FMNL3: variants seen among roughly 807,000 people sequenced by gnomAD.
FMNL3 encodes the protein formin-like protein 3.
Under a neutral mutation model 119.6 loss-of-function variants are expected in FMNL3, and 57 were observed. The ratio of observed to expected loss-of-function variants is 0.48; its 90% confidence interval spans 0.39 to 0.59. The LOEUF (loss-of-function observed/expected upper bound fraction) is 0.59, where lower values mean the gene tolerates loss of function less well. FMNL3 is among the 20% of genes least tolerant of loss of function. The probability of loss-of-function intolerance (pLI) is 0.00; values close to 1 mark genes in which losing one functional copy is unlikely to be tolerated. For missense variants in FMNL3, 1,053 were observed against 1,323.5 expected (o/e 0.80, Z 3.17); for synonymous variants, 491 against 507.3 (o/e 0.97, Z 0.43).
In FMNL3 at chr12:49,641,527, T is replaced by C. The variant is rs187622739; in HGVS notation, c.*4288A>G. The C allele has an allele frequency of 4.3e-6, 1 of 234,320 alleles. No individual in the cohort carries two copies. Among genetic ancestry groups the C allele is most frequent in the East Asian group, 1.0e-4 (1 of 9,870 alleles). The allele number at this position is 234,320 out of a possible 1,614,324, so 14.5% of individuals were successfully genotyped here. ...TGGTACATAGTAAGCACTCAATAAA[T>C]AGACCCAAAGGGTAGGGGCCAGCAA... On this transcript the variant is annotated 3_prime_UTR_variant, in exon 26 of 26. Transcript: ENST00000335154.
Position 49,665,880 on chromosome 12 carries a change from G to C in FMNL3, c.320C>G (p.Thr107Ser), listed in dbSNP as rs753610636. ...GATCTCCAGCTCCCTTAGTACTTTG[G>C]TTGACTCCTGCACCCTCCTCCTGAA... ...KKFRRRVQES[T>S]KVLRELEISL... The change falls in exon 4 of 26, where the codon ACC becomes AGC. Residue 107 changes from threonine (T) to serine (S), a missense_variant. Thr to Ser is a moderately conservative substitution (Grantham distance 58). Coordinates refer to ENST00000335154, the MANE Select transcript of FMNL3 (RefSeq NM_175736.5). 1.2e-6 allele frequency: 2 copies of C among 1,614,192 alleles called. No individual in the cohort carries two copies. The highest frequency in any genetic ancestry group is 8.5e-7 in the Non-Finnish European group (1 of 1,180,040).
chr12:49,637,904 G>A lies in FMNL3; in HGVS notation c.*7911C>T. The A allele has an allele frequency of 1.7e-6, 2 of 1,188,374 alleles. No individual in the cohort carries two copies. Among genetic ancestry groups the A allele is most frequent in the Non-Finnish European group, 2.5e-6 (2 of 808,830 alleles). 73.6% of individuals were successfully genotyped at this position (1,188,374 alleles called of 1,614,324 possible). On this transcript the variant is annotated 3_prime_UTR_variant, in exon 26 of 26. Coordinates refer to ENST00000335154, the MANE Select transcript of FMNL3 (RefSeq NM_175736.5). ...TGCAGAGGACTCCCTGATAAGTCCT[G>A]TTTTGCAGAAGCATTACAGCTTGGT...
At chr12:49,648,093 G>T (rs1943266682) in intron 22 of FMNL3, 100 bp downstream of exon 22, 2 of 1,401,686 alleles carry the variant, frequency 1.4e-6, no homozygotes, top group Non-Finnish European at 1.9e-6. Context: ...TAGCCAGCCA[G>T]CTGCTTGATT....
At chr12:49,668,178 C>A (rs2138863004) in intron 2 of FMNL3, among the ~76,000 whole-genome samples, 2 of 152,282 alleles carry the variant, frequency 1.3e-5, no homozygotes, top group Middle Eastern at 3.4e-3. Context: ...CCGGGCATAG[C>A]CCTGAACCTG....
intron 5 of FMNL3, chr12:49,659,911 A>G: frequency 1.0e-6 from 1 of 985,430 alleles, no homozygotes; most frequent in Non-Finnish European, 1.2e-6. Context: ...CTCCCCCAAG[A>G]AGCATTCTGC....
chr12:49,636,954 G>A lies in FMNL3; in HGVS notation c.*8861C>T, dbSNP rs890112431. On this transcript the variant is annotated 3_prime_UTR_variant, in exon 26 of 26. Transcript: ENST00000335154. The stretch of plus-strand genomic sequence containing the variant: ...TGGATACGCTGCCTGTTCTTTCTGT[G>A]CCTAGCCCTGTCCAAGCTCTATGAG... The A allele has an allele frequency of 2.6e-6, 4 of 1,535,492 alleles. No homozygotes were observed. In the African/African-American group the frequency reaches 5.4e-5, roughly 21 times the overall value.
At chr12:49,703,932 G>A (rs1388657941) in intron 1 of FMNL3, among the ~76,000 whole-genome samples, 2 of 152,266 alleles carry the variant, frequency 1.3e-5, no homozygotes, top group Admixed American at 6.5e-5. Flanking sequence ...TCCGAGACTG[G>A]ATATACACAA....
chr12:49,663,275 T>C, intron 4 of FMNL3, among the ~76,000 whole-genome samples: 1 of 152,180 alleles, frequency 6.6e-6, no homozygotes, highest in African/African-American at 2.4e-5. Flanking sequence ...AAAGGGTGCT[T>C]AGGCAAGGCA....
intron 2 of FMNL3, 42 bp downstream of exon 2, chr12:49,668,429 G>A (rs745737008): frequency 1.2e-6 from 2 of 1,600,384 alleles, no homozygotes; most frequent in African/African-American, 1.3e-5. Flanking sequence ...GCCAGCCCAA[G>A]ACACAACTCC....
Position 49,645,622 on chromosome 12 carries a change from G to A in FMNL3, c.*193C>T. 1.8e-6 allele frequency: 1 copy of A among 556,190 alleles called. No homozygotes were observed. Among genetic ancestry groups the A allele is most frequent in the African/African-American group, 2.0e-5 (1 of 50,824 alleles). The allele number at this position is 556,190 out of a possible 1,614,324, so 34.5% of individuals were successfully genotyped here. A position where few individuals can be genotyped will look rare whatever the true frequency, so the allele number is the denominator to read the frequency against. ...TCAAAGACCTTGGGGGCAAAGTGCA[G>A]TACTGGAAGCACCAGGGACCTACAG... On this transcript the variant is annotated 3_prime_UTR_variant, in exon 26 of 26. Coordinates refer to ENST00000335154, the MANE Select transcript of FMNL3 (RefSeq NM_175736.5).
At chr12:49,664,322 T>C (rs1221021392) in intron 4 of FMNL3, among the ~76,000 whole-genome samples, 2 of 152,196 alleles carry the variant, frequency 1.3e-5, no homozygotes, top group African/African-American at 4.8e-5. Context: ...GGAGGATCAC[T>C]TGAGCCCTGG....
rs534354889 is a variant in FMNL3, at chr12:49,693,808, C to T, written c.126+13247G>A. 2.0e-5 allele frequency among the ~76,000 whole-genome samples: 3 copies of T among 151,694 alleles called. No individual in the cohort carries two copies. In the South Asian group the frequency reaches 6.2e-4, roughly 32 times the overall value. ...GGATTACAGGCACGCACCACCACAC[C>T]TGGCTAATTTTGTATTTTTAGTAGA... is the stretch of plus-strand genomic sequence containing the variant. On this transcript the variant is annotated intron_variant, in intron 1 of 25. Coordinates refer to ENST00000335154, the MANE Select transcript of FMNL3 (RefSeq NM_175736.5).
At chr12:49,695,493 C>T (rs1253856540) in intron 1 of FMNL3, among the ~76,000 whole-genome samples, 1 of 152,192 alleles carries the variant, frequency 6.6e-6, no homozygotes, top group Non-Finnish European at 1.5e-5. Flanking sequence ...TGAGCCCTAG[C>T]TTCATATTGC....
chr12:49,650,345 T>C (rs1458686488), intron 17 of FMNL3, among the ~76,000 whole-genome samples: 2 of 152,212 alleles, frequency 1.3e-5, no homozygotes, highest in East Asian at 3.8e-4. Flanking sequence ...GTTGAGACAT[T>C]ACCTCCTCTG....
chr12:49,636,613 C>T lies in FMNL3; in HGVS notation c.*9202G>A, dbSNP rs1941841647. 6.5e-7 allele frequency: 1 copy of T among 1,528,030 alleles called. No homozygotes were observed. The highest frequency in any genetic ancestry group is 1.4e-5 in the African/African-American group (1 of 73,492). The allele number at this position is 1,528,030 out of a possible 1,614,324, so 94.7% of individuals were successfully genotyped here. On this transcript the variant is annotated 3_prime_UTR_variant, in exon 26 of 26. Coordinates refer to ENST00000335154, the MANE Select transcript of FMNL3 (RefSeq NM_175736.5). The stretch of plus-strand genomic sequence containing the variant: ...GCCCTTCCCCCACCACCCTGGGTAT[C>T]CCTAGCACCTGTAGGACAGCATCGT...
rs1943153755 is a variant in FMNL3, at chr12:49,645,744, G to A, written c.*71C>T. 1.5e-6 allele frequency: 2 copies of A among 1,371,990 alleles called. No homozygotes were observed. Among genetic ancestry groups the A allele is most frequent in the Admixed American group, 2.4e-5 (1 of 42,530 alleles). The allele number at this position is 1,371,990 out of a possible 1,614,324, so 85.0% of individuals were successfully genotyped here. On this transcript the variant is annotated 3_prime_UTR_variant, in exon 26 of 26. Transcript: ENST00000335154. ...AACACAGCCCTCTCCTGAGCCCTTGGCCAATTCCAGGTCCACTGGTTGGAC... is the reference window on the plus strand; with the variant it reads ...AACACAGCCCTCTCCTGAGCCCTTGACCAATTCCAGGTCCACTGGTTGGAC...
chr12:49,647,585 G>A lies in FMNL3; in HGVS notation c.2778+118C>T. On this transcript the variant is annotated intron_variant, in intron 23 of 25. Coordinates refer to ENST00000335154, the MANE Select transcript of FMNL3 (RefSeq NM_175736.5). This position sits in a 1 kb window ranked among gnomAD's most constrained non-coding sequence, Gnocchi z 4.9. Reference sequence around the variant, plus strand: ...AAGAGGCCTGTCACCAGCTTGCATCGCTCCCTTCCCAGGACTCGGAGGAGG... The same window carrying A: ...AAGAGGCCTGTCACCAGCTTGCATCACTCCCTTCCCAGGACTCGGAGGAGG... 3 of 1,002,526 alleles carry A rather than the reference G, an allele frequency of 3.0e-6. No homozygotes were observed. Among genetic ancestry groups the A allele is most frequent in the Admixed American group, 2.0e-5 (1 of 49,864 alleles). 62.1% of individuals were successfully genotyped at this position (1,002,526 alleles called of 1,614,324 possible).
chr12:49,671,483 A>G (rs1944044789), intron 1 of FMNL3, among the ~76,000 whole-genome samples: 1 of 152,258 alleles, frequency 6.6e-6, no homozygotes, highest in African/African-American at 2.4e-5. Flanking sequence ...CCCAAGCTCC[A>G]GCATTCTCAG....
Position 49,642,282 on chromosome 12 carries a change from G to A in FMNL3, c.*3533C>T. 6.2e-7 allele frequency: 1 copy of A among 1,614,208 alleles called. No individual in the cohort carries two copies. ...GGGAGAGGGAGCGGGAGAAGGAGGA[G>A]GCACGCAGGATGCGGCGCAGGGAAG... is the stretch of plus-strand genomic sequence containing the variant. On this transcript the variant is annotated 3_prime_UTR_variant, in exon 26 of 26. Coordinates refer to ENST00000335154, the MANE Select transcript of FMNL3 (RefSeq NM_175736.5). This position sits in a 1 kb window ranked among gnomAD's most constrained non-coding sequence, Gnocchi z 5.8.
Sources: allele counts gnomAD v4.1 joint callset (sites outside exome capture counted in the v4.1 genomes callset), GRCh38; gene constraint gnomAD v4.1.1; non-coding constraint Gnocchi (gnomAD v3.1); transcripts MANE v1.5; gene names NCBI Gene and HGNC (gene_info 2026-07-23, HGNC 2026-07-21).